The following RBMS3 variants were observed in gnomAD, a reference collection of about 807,000 sequenced individuals.
RBMS3 encodes RNA-binding motif, single-stranded-interacting protein 3.
RBMS3 carries 27 observed loss-of-function variants against 66.8 expected under a neutral mutation model. The observed-to-expected ratio is 0.40, with a 90% CI of 0.30 to 0.56. The LOEUF (loss-of-function observed/expected upper bound fraction) is 0.56. Among genes scored for constraint, RBMS3 ranks in the 20% least tolerant of loss-of-function variants. RBMS3 has a pLI of 0.40. For missense variants in RBMS3, 513 were observed against 549.5 expected (o/e 0.93, Z 0.66); for synonymous variants, 188 against 183.0 (o/e 1.03, Z -0.22).
intron 11 of RBMS3, among the ~76,000 whole-genome samples, chr3:29,937,748 A>T (rs986739957): frequency 1.2e-4 from 18 of 151,956 alleles, no homozygotes; most frequent in African/African-American, 4.3e-4. Flanking sequence ...AATTTTCATC[A>T]TGGAGATAGA....
chr3:29,379,387 A>T (rs1457153432), intron 1 of RBMS3, among the ~76,000 whole-genome samples: 3 of 152,162 alleles, frequency 2.0e-5, no homozygotes, highest in Non-Finnish European at 4.4e-5. Context: ...ATTAATAGAG[A>T]AATTTGCCTC....
At chr3:29,734,915 A>G (rs2054311476) in intron 4 of RBMS3, among the ~76,000 whole-genome samples, 1 of 152,104 alleles carries the variant, frequency 6.6e-6, no homozygotes, top group South Asian at 2.1e-4. Context: ...GGAAATAAAA[A>G]CAGTTCACAC....
rs376459241 is a variant in RBMS3, at chr3:29,383,552, C to T, written c.76-51191C>T. Among the ~76,000 whole-genome samples, 3 of 152,150 alleles carry T rather than the reference C, an allele frequency of 2.0e-5. No homozygotes were observed. In the East Asian group the frequency reaches 5.8e-4, roughly 29 times the overall value. On this transcript the variant is annotated intron_variant, in intron 1 of 14. Coordinates refer to ENST00000383767, the MANE Select transcript of RBMS3 (RefSeq NM_001003793.3). ...CTAGTTAAGTTTATTGTGGTTCAGA[C>T]TCAAACTGTTGTATGTGGATGTACA...
chr3:29,948,470 G>A (rs772204695), intron 12 of RBMS3, among the ~76,000 whole-genome samples: 10 of 151,738 alleles, frequency 6.6e-5, no homozygotes, highest in Non-Finnish European at 1.5e-4. Context: ...GAGTATTTTA[G>A]CTGCTTCAAA....
intron 3 of RBMS3, among the ~76,000 whole-genome samples, chr3:29,583,167 G>A (rs373895586): frequency 1.3e-4 from 20 of 152,132 alleles, no homozygotes; most frequent in African/African-American, 4.8e-4. Context: ...GAACTCTCAG[G>A]GTGTCTCCTA....
intron 4 of RBMS3, among the ~76,000 whole-genome samples, chr3:29,727,505 T>G (rs1345072042): frequency 1.3e-5 from 2 of 151,602 alleles, no homozygotes; most frequent in African/African-American, 4.8e-5. Context: ...ACAAGGAACT[T>G]AAATTTACAA....
At chr3:29,844,404 C>T (rs180773488) in intron 6 of RBMS3, among the ~76,000 whole-genome samples, 24 of 152,112 alleles carry the variant, frequency 1.6e-4, no homozygotes, top group East Asian at 1.4e-3. Flanking sequence ...TATTAGAGTA[C>T]GGTATTTAAG....
chr3:29,741,316 C>T (rs2054633715), intron 5 of RBMS3, among the ~76,000 whole-genome samples: 1 of 152,160 alleles, frequency 6.6e-6, no homozygotes, highest in African/African-American at 2.4e-5. Flanking sequence ...TTCAGGCTTT[C>T]AGGACATTGA....
chr3:29,371,210 C>G (rs887265904), intron 1 of RBMS3, among the ~76,000 whole-genome samples: 3 of 152,148 alleles, frequency 2.0e-5, no homozygotes, highest in African/African-American at 7.2e-5. Flanking sequence ...ACCTAAGAAT[C>G]ATTTCAACAT....
At chr3:29,622,373 A>G (rs1343868664) in intron 4 of RBMS3, among the ~76,000 whole-genome samples, 2 of 152,216 alleles carry the variant, frequency 1.3e-5, no homozygotes, top group Non-Finnish European at 2.9e-5. Flanking sequence ...CAGAATACAG[A>G]TTGGAGGACA....
chr3:29,469,966 G>T (rs1025348637), intron 2 of RBMS3, among the ~76,000 whole-genome samples: 1 of 146,328 alleles, frequency 6.8e-6, no homozygotes, highest in Non-Finnish European at 1.5e-5. Flanking sequence ...TAATTTATAT[G>T]AAATTATATA....
intron 4 of RBMS3, among the ~76,000 whole-genome samples, chr3:29,601,922 C>T (rs1416149015): frequency 6.6e-6 from 1 of 151,948 alleles, no homozygotes; most frequent in Non-Finnish European, 1.5e-5. Flanking sequence ...TTAAGAGGGA[C>T]CATATGTATT....
chr3:29,468,202 G>A (rs1315931178), intron 2 of RBMS3, among the ~76,000 whole-genome samples: 1 of 152,018 alleles, frequency 6.6e-6, no homozygotes, highest in Non-Finnish European at 1.5e-5. Context: ...GAGTCTACCG[G>A]CACTCTACAT....
rs1248131533 is a variant in RBMS3, at chr3:29,921,509, G to A, written c.940-14577G>A. ...GACTGTTTGGCAGGGGGGTGGGGGG[G>A]CTGGGGGTGCAGCAAAAATAGTCAG... On this transcript the variant is annotated intron_variant, in intron 10 of 14. Transcript: ENST00000383767. Among the ~76,000 whole-genome samples, 3 of 116,114 alleles carry A rather than the reference G, an allele frequency of 2.6e-5. No individual in the cohort carries two copies. The East Asian group carries it at 9.1e-4, about 35-fold the overall frequency. The allele number at this position is 116,114 out of a possible 152,430, so 76.2% of individuals were successfully genotyped here. A position where few individuals can be genotyped will look rare whatever the true frequency, so the allele number is the denominator to read the frequency against.
intron 6 of RBMS3, among the ~76,000 whole-genome samples, chr3:29,788,946 C>T (rs763623422): frequency 2.0e-4 from 31 of 152,140 alleles, no homozygotes; most frequent in Non-Finnish European, 4.0e-4. Context: ...GAAAAGTTTA[C>T]CACATTGTAG....
chr3:29,931,600 A>T (rs534047032), intron 10 of RBMS3, among the ~76,000 whole-genome samples: 38 of 151,988 alleles, frequency 2.5e-4, no homozygotes, highest in Non-Finnish European at 5.1e-4. Context: ...TCTTCTCCCC[A>T]CAAAAGCCTT....
intron 1 of RBMS3, among the ~76,000 whole-genome samples, chr3:29,369,940 T>C (rs1458823281): frequency 6.6e-6 from 1 of 152,152 alleles, no homozygotes; most frequent in African/African-American, 2.4e-5. Context: ...TTTGGCTTAA[T>C]TAATCTGAAG....
chr3:29,639,304 AAC>A (rs1337796830), intron 4 of RBMS3, among the ~76,000 whole-genome samples: 1 of 151,904 alleles, frequency 6.6e-6, no homozygotes, highest in Non-Finnish European at 1.5e-5. Context: ...ATAATTTGGA[AAC>A]ACTTTTTGCA....
chr3:29,773,800 A>C (rs2056316979), intron 6 of RBMS3, among the ~76,000 whole-genome samples: 1 of 152,048 alleles, frequency 6.6e-6, no homozygotes, highest in Admixed American at 6.6e-5. Context: ...TGGAGTATCA[A>C]TATCCCAGTT....
Sources: allele counts gnomAD v4.1 joint callset (sites outside exome capture counted in the v4.1 genomes callset), GRCh38; gene constraint gnomAD v4.1.1; transcripts MANE v1.5; gene names NCBI Gene and HGNC (gene_info 2026-07-23, HGNC 2026-07-21).